CDH12: variants seen among roughly 807,000 people sequenced by gnomAD.
CDH12 encodes cadherin 12.
A neutral mutation model predicts 74.1 loss-of-function variants in CDH12; 41 were observed. The ratio of observed to expected loss-of-function variants is 0.55; its 90% CI spans 0.43 to 0.72. The LOEUF is 0.72. Ranked by LOEUF, CDH12 falls within the 30% of genes least tolerant of loss-of-function variation. The pLI, the probability that CDH12 is intolerant of heterozygous loss-of-function variation, is 0.00. For missense variants in CDH12, 945 were observed against 977.2 expected (o/e 0.97, Z 0.44); for synonymous variants, 399 against 355.0 (o/e 1.12, Z -1.39).
intron 3 of CDH12, among the ~76,000 whole-genome samples, chr5:22,332,273 A>T (rs1739382440): frequency 6.6e-6 from 1 of 152,176 alleles, no homozygotes. Context: ...AAAGAAAAAA[A>T]ATAACATAAA....
At chr5:22,163,374 A>C (rs1447648697) in intron 4 of CDH12, among the ~76,000 whole-genome samples, 1 of 152,172 alleles carries the variant, frequency 6.6e-6, no homozygotes, top group African/African-American at 2.4e-5. Flanking sequence ...AACACAAAGA[A>C]TCATGTATCA....
At chr5:21,933,320 T>C (rs1427558783) in intron 6 of CDH12, among the ~76,000 whole-genome samples, 1 of 152,188 alleles carries the variant, frequency 6.6e-6, no homozygotes, top group East Asian at 1.9e-4. Flanking sequence ...TATATCCTAA[T>C]GAGACTTGGG....
chr5:22,243,125 C>T (rs1752808802), intron 3 of CDH12, among the ~76,000 whole-genome samples: 2 of 152,058 alleles, frequency 1.3e-5, no homozygotes, highest in African/African-American at 4.8e-5. Context: ...ACAGTATACT[C>T]ATAAGAGTAT....
chr5:22,364,729 C>A (rs1740958895), intron 3 of CDH12, among the ~76,000 whole-genome samples: 2 of 152,120 alleles, frequency 1.3e-5, no homozygotes, highest in Non-Finnish European at 2.9e-5. Flanking sequence ...GAAAAATGCA[C>A]CAATGTTACC....
intron 1 of CDH12, among the ~76,000 whole-genome samples, chr5:22,850,933 T>G (rs1737524639): frequency 6.6e-6 from 1 of 152,114 alleles, no homozygotes; most frequent in Non-Finnish European, 1.5e-5. Context: ...CTTATTAATC[T>G]CATAATGATA....
At chr5:22,333,863 C>G (rs1739449656) in intron 3 of CDH12, among the ~76,000 whole-genome samples, 1 of 152,130 alleles carries the variant, frequency 6.6e-6, no homozygotes, top group African/African-American at 2.4e-5. Flanking sequence ...ATCATATCAA[C>G]AGAATGAAGC....
chr5:22,086,009 A>T (rs1382704072), intron 4 of CDH12, among the ~76,000 whole-genome samples: 1 of 152,188 alleles, frequency 6.6e-6, no homozygotes, highest in Admixed American at 6.5e-5. Context: ...AAGCCTTGGG[A>T]ATGAGCATAC....
chr5:22,055,559 T>C (rs1366407068), intron 5 of CDH12, among the ~76,000 whole-genome samples: 5 of 152,032 alleles, frequency 3.3e-5, no homozygotes, highest in African/African-American at 1.2e-4. Context: ...TGAGAACAAA[T>C]TTTTTTTCTG....
chr5:21,809,385 G>C (rs1436878204), intron 9 of CDH12, among the ~76,000 whole-genome samples: 1 of 152,012 alleles, frequency 6.6e-6, no homozygotes, highest in Admixed American at 6.6e-5. Flanking sequence ...TACTATAAAT[G>C]CTGAAATAAA....
chr5:22,324,154 T>C (rs1738993196), intron 3 of CDH12, among the ~76,000 whole-genome samples: 1 of 152,138 alleles, frequency 6.6e-6, no homozygotes, highest in South Asian at 2.1e-4. Context: ...ATGATGATAT[T>C]ATAACAAAGC....
chr5:22,599,004 T>C (rs1036942706), intron 1 of CDH12, among the ~76,000 whole-genome samples: 1 of 152,202 alleles, frequency 6.6e-6, no homozygotes, highest in Non-Finnish European at 1.5e-5. Flanking sequence ...TTTGCAGCCG[T>C]ATTGCATGCC....
intron 1 of CDH12, among the ~76,000 whole-genome samples, chr5:22,638,240 A>T (rs1336881427): frequency 1.3e-5 from 2 of 152,180 alleles, no homozygotes; most frequent in African/African-American, 4.8e-5. Flanking sequence ...ACAATAGGCC[A>T]GTCTGCAAAC....
intron 1 of CDH12, among the ~76,000 whole-genome samples, chr5:22,708,997 G>A (rs778093429): frequency 1.6e-4 from 24 of 152,090 alleles, no homozygotes; most frequent in Non-Finnish European, 3.4e-4. Flanking sequence ...CAGGTCTTTG[G>A]CACCAACAAA....
chr5:22,579,202 G>A (rs560381828), intron 1 of CDH12, among the ~76,000 whole-genome samples: 30 of 152,228 alleles, frequency 2.0e-4, no homozygotes, highest in Admixed American at 1.7e-3. Context: ...CGGAGTTTAT[G>A]AATATTAGTT....
At chr5:22,791,926 C>G (rs1747928207) in intron 1 of CDH12, among the ~76,000 whole-genome samples, 1 of 152,168 alleles carries the variant, frequency 6.6e-6, no homozygotes, top group East Asian at 1.9e-4. Flanking sequence ...GGTGGGCACA[C>G]AGAGTCAAAC....
intron 1 of CDH12, among the ~76,000 whole-genome samples, chr5:22,690,942 G>T (rs772533394): frequency 6.6e-6 from 1 of 152,054 alleles, no homozygotes; most frequent in Non-Finnish European, 1.5e-5. Flanking sequence ...CTCAGACTGG[G>T]ATGTCCATAA....
At chr5:21,768,763 G>A (rs1745162424) in intron 11 of CDH12, among the ~76,000 whole-genome samples, 1 of 151,968 alleles carries the variant, frequency 6.6e-6, no homozygotes, top group Non-Finnish European at 1.5e-5. Context: ...AGAAATAGAG[G>A]AGGAAGCACT....
At chr5:21,765,223 T>C in intron 11 of CDH12, 124 bp from the exon 12 acceptor site, 3 of 740,158 alleles carry the variant, frequency 4.1e-6, no homozygotes, top group Non-Finnish European at 5.9e-6. Context: ...ATCCTTCTTA[T>C]AGGAAATCCT....
chr5:22,343,220 C>T (rs904477159), intron 3 of CDH12, among the ~76,000 whole-genome samples: 2 of 150,536 alleles, frequency 1.3e-5, no homozygotes, highest in Non-Finnish European at 3.0e-5. Flanking sequence ...CCCAATCTTC[C>T]ATCCATCAGA....
Sources: allele counts gnomAD v4.1 joint callset (sites outside exome capture counted in the v4.1 genomes callset), GRCh38; gene constraint gnomAD v4.1.1; transcripts MANE v1.5; gene names NCBI Gene and HGNC (gene_info 2026-07-23, HGNC 2026-07-21).